Variants in PCNX2 observed in about 807,000 individuals in gnomAD.
PCNX2 encodes pecanex-like protein 2.
In PCNX2, 168 loss-of-function variants were observed where a neutral mutation model predicts 223.8. The observed-to-expected ratio is 0.75, with a 90% CI of 0.66 to 0.85. The LOEUF is 0.85. Among genes scored for constraint, PCNX2 ranks in the 40% least tolerant of loss-of-function variants. The probability of loss-of-function intolerance (pLI) is 0.00; values close to 1 mark genes in which losing one functional copy is unlikely to be tolerated. For synonymous variants in PCNX2, 1,006 were observed against 1,052.6 expected (o/e 0.96, Z 0.86); for missense variants, 2,507 against 2,675.5 (o/e 0.94, Z 1.39).
the PCNX2 span, among the ~76,000 whole-genome samples, chr1:233,324,230 G>A: frequency 1.1e-4 from 17 of 152,274 alleles, no homozygotes; most frequent in Admixed American, 4.6e-4. Flanking sequence ...AAAAGTGCAC[G>A]GTGAAGCAGC....
intron 8 of PCNX2, among the ~76,000 whole-genome samples, chr1:233,243,232 C>A (rs142041857): frequency 2.9e-4 from 44 of 152,138 alleles, no homozygotes; most frequent in African/African-American, 9.9e-4. Context: ...AAAACTGTCA[C>A]ACGGTAACAA....
At chr1:233,104,100 A>T (rs984569734) in intron 21 of PCNX2, among the ~76,000 whole-genome samples, 1 of 152,194 alleles carries the variant, frequency 6.6e-6, no homozygotes, top group Non-Finnish European at 1.5e-5. Context: ...CATTTTGTTC[A>T]ATAGATGGTA....
chr1:233,202,833 A>G (rs1441531403), intron 13 of PCNX2, among the ~76,000 whole-genome samples: 1 of 152,218 alleles, frequency 6.6e-6, no homozygotes. Flanking sequence ...CACAGAGCAG[A>G]GGCCATTTGA....
At chr1:233,327,261 A>G in the PCNX2 span, among the ~76,000 whole-genome samples, 4 of 152,032 alleles carry the variant, frequency 2.6e-5, no homozygotes, top group African/African-American at 2.4e-5. Flanking sequence ...CCGAAAATTT[A>G]TAGCGGATGA....
chr1:233,025,567 T>C (rs577307131), intron 25 of PCNX2, 168 bp from the exon 26 acceptor site: 4 of 782,274 alleles, frequency 5.1e-6, no homozygotes, highest in Admixed American at 2.9e-5. Context: ...ACAATTCTCA[T>C]AATCATGAAC....
At chr1:233,281,342 C>A (rs1661184305) in intron 1 of PCNX2, among the ~76,000 whole-genome samples, 1 of 152,122 alleles carries the variant, frequency 6.6e-6, no homozygotes, top group Non-Finnish European at 1.5e-5. Context: ...TATTAGTTAT[C>A]TGGCATTTCT....
Position 233,097,066 on chromosome 1 carries a change from T to C in PCNX2, c.3838-1203A>G, listed in dbSNP as rs1420955359. 3.9e-5 allele frequency among the ~76,000 whole-genome samples: 6 copies of C among 152,192 alleles called. No homozygotes were observed. The East Asian group carries it at 9.6e-4, about 24-fold the overall frequency. On this transcript the variant is annotated intron_variant, in intron 21 of 33. Coordinates refer to ENST00000258229, the MANE Select transcript of PCNX2 (RefSeq NM_014801.4). ...AACTTTAAAGTAGAATAAAACATTA[T>C]TGGGTAGGCCATAGTATATGAACCA...
In PCNX2 at chr1:232,983,610, A is replaced by G. The variant is rs1669341994; in HGVS notation, c.*694T>C. On this transcript the variant is annotated 3_prime_UTR_variant, in exon 34 of 34. Transcript: ENST00000258229. ...TTGTGTGACTCCGCGGTGGATTTCC[A>G]TGCACCGAATGGACTCAGTTTCTAA... The G allele has an allele frequency of 6.6e-6, 1 of 152,178 alleles. No homozygotes were observed. Among genetic ancestry groups the G allele is most frequent in the Non-Finnish European group, 1.5e-5 (1 of 68,022 alleles). The allele number at this position is 152,178 out of a possible 1,614,324, so 9.4% of individuals were successfully genotyped here. A position where few individuals can be genotyped will look rare whatever the true frequency, so the allele number is the denominator to read the frequency against.
intron 8 of PCNX2, among the ~76,000 whole-genome samples, chr1:233,250,173 T>C (rs904879188): frequency 2.6e-5 from 4 of 152,226 alleles, no homozygotes; most frequent in Non-Finnish European, 4.4e-5. Context: ...AAGGATGAAT[T>C]CCGTCTGCCA....
chr1:233,302,524 T>C, the PCNX2 span, among the ~76,000 whole-genome samples: 3 of 151,966 alleles, frequency 2.0e-5, no homozygotes, highest in African/African-American at 7.2e-5. Context: ...TGATTTTTTT[T>C]AATTTTGTCA....
In PCNX2 at chr1:233,265,289, T is replaced by G. The variant is rs141774445; in HGVS notation, c.154-2126A>C. ...TATTCAAGAGATTGTTGAATTTTCA[T>G]GTAACTAGGGTTTCATAGTACTCTA... is the stretch of plus-strand genomic sequence containing the variant. On this transcript the variant is annotated intron_variant, in intron 1 of 33. Coordinates refer to ENST00000258229, the MANE Select transcript of PCNX2 (RefSeq NM_014801.4). Among the ~76,000 whole-genome samples, 257 of 152,070 alleles carry G rather than the reference T, an allele frequency of 1.7e-3. 1 individual carries two copies. The highest frequency in any genetic ancestry group is 6.0e-3 in the African/African-American group (250 of 41,502).
At chr1:233,143,702 A>G (rs527607892) in intron 19 of PCNX2, among the ~76,000 whole-genome samples, 1 of 152,192 alleles carries the variant, frequency 6.6e-6, no homozygotes, top group African/African-American at 2.4e-5. Context: ...GGTTGATTCC[A>G]TGTGCTCACT....
rs77141853 is a variant in PCNX2 at position 233,236,581 on chromosome 1, C to A, written c.2358+264G>T. ...CTTATGCATCCTGGCAACCAAAAAT[C>A]AATGTGCATGAATTTCTAATGCATT... On this transcript the variant is annotated intron_variant, in intron 9 of 33. Transcript: ENST00000258229. Among the ~76,000 whole-genome samples the A allele has an allele frequency of 4.7e-3, 721 of 152,210 alleles. 5 individuals are homozygous for A. The highest frequency in any genetic ancestry group is 0.017 in the African/African-American group (704 of 41,532).
intron 21 of PCNX2, chr1:233,113,046 C>A (rs914818855): frequency 8.7e-6 from 11 of 1,260,340 alleles, no homozygotes; most frequent in Non-Finnish European, 1.0e-5. Flanking sequence ...CAGGCACTTT[C>A]CTGCAATTAC....
chr1:233,142,274 TA>T (rs982707376), intron 19 of PCNX2, among the ~76,000 whole-genome samples: 1 of 151,614 alleles, frequency 6.6e-6, no homozygotes, highest in East Asian at 1.9e-4. Flanking sequence ...AGTAGAGTAG[TA>T]AAAAAAAATC....
chr1:233,048,272 C>A (rs1671886335), intron 25 of PCNX2, among the ~76,000 whole-genome samples: 1 of 152,120 alleles, frequency 6.6e-6, no homozygotes, highest in African/African-American at 2.4e-5. Context: ...GCCTGGCCAA[C>A]ATGGTGAAAC....
At chr1:233,316,968 A>G in the PCNX2 span, among the ~76,000 whole-genome samples, 1 of 152,234 alleles carries the variant, frequency 6.6e-6, no homozygotes, top group Non-Finnish European at 1.5e-5. Context: ...TATTCCAAAT[A>G]ACTAGAATTA....
intron 13 of PCNX2, among the ~76,000 whole-genome samples, chr1:233,204,853 A>C (rs564111167): frequency 5.3e-5 from 8 of 152,334 alleles, no homozygotes; most frequent in African/African-American, 1.9e-4. Context: ...GCAAACAAAA[A>C]TATGTATTAG....
chr1:233,017,607 T>C (rs867269389), intron 26 of PCNX2, among the ~76,000 whole-genome samples: 22 of 152,070 alleles, frequency 1.4e-4, no homozygotes, highest in African/African-American at 3.6e-4. Context: ...TGAGCCACCA[T>C]GCCTGGCCTA....
Sources: allele counts gnomAD v4.1 joint callset (sites outside exome capture counted in the v4.1 genomes callset), GRCh38; gene constraint gnomAD v4.1.1; transcripts MANE v1.5; gene names NCBI Gene and HGNC (gene_info 2026-07-23, HGNC 2026-07-21).